Variants in IQCE observed in about 807,000 individuals in gnomAD.
IQCE encodes IQ motif containing E.
Under a neutral mutation model 96.0 loss-of-function variants are expected in IQCE, and 115 were observed. That is an observed-to-expected ratio of 1.20 (90% CI 1.03 to 1.40). The LOEUF (loss-of-function observed/expected upper bound fraction) is 1.40. Among genes scored for constraint, IQCE ranks in the 40% most tolerant of loss-of-function variants. The probability of loss-of-function intolerance (pLI) is 0.00; values close to 1 mark genes in which losing one functional copy is unlikely to be tolerated. For synonymous variants in IQCE, 412 were observed against 371.2 expected (o/e 1.11, Z -1.26); for missense variants, 1,041 against 909.1 (o/e 1.15, Z -1.87).
chr7:2,606,554 T>C (rs1429912010), intron 20 of IQCE, among the ~76,000 whole-genome samples: 1 of 152,102 alleles, frequency 6.6e-6, no homozygotes, highest in Non-Finnish European at 1.5e-5. Context: ...CCCCGTCTGC[T>C]TCACCCCGCA....
At chr7:2,560,900 C>T (rs1169136124) in intron 1 of IQCE, among the ~76,000 whole-genome samples, 19 of 138,916 alleles carry the variant, frequency 1.4e-4, no homozygotes, top group Admixed American at 1.3e-3. Context: ...GAGCTTGCAG[C>T]GAGCCAAGAT....
At chr7:2,589,679 C>T (rs1158976148) in intron 13 of IQCE, among the ~76,000 whole-genome samples, 2 of 152,076 alleles carry the variant, frequency 1.3e-5, no homozygotes, top group East Asian at 1.9e-4. Flanking sequence ...CCTGGCTTGG[C>T]GGGGGTCTGC....
chr7:2,602,783 C>T (rs980466397), intron 18 of IQCE, among the ~76,000 whole-genome samples: 1 of 152,264 alleles, frequency 6.6e-6, no homozygotes, highest in Non-Finnish European at 1.5e-5. Flanking sequence ...CCAAATTGCA[C>T]GGGGTTCATA....
chr7:2,566,317 C>T (rs796509990), intron 1 of IQCE, among the ~76,000 whole-genome samples: 13 of 147,420 alleles, frequency 8.8e-5, no homozygotes, highest in African/African-American at 3.3e-4. Flanking sequence ...TGGCCATCCT[C>T]GTGCTGAAAT....
At position 2,594,971 on chromosome 7, in the gene IQCE, C is replaced by T. The variant is rs1053904628; in HGVS notation, c.1435C>T (p.His479Tyr). ...EEKEDCPEVP[H>Y]KAQELPAPTP... ...GAAAGAGGATTGCCCGGAAGTTCCTCATAAGGTACAGTGACCATTCAGTTG... is the reference window on the plus strand; with the variant it reads ...GAAAGAGGATTGCCCGGAAGTTCCTTATAAGGTACAGTGACCATTCAGTTG... Residue 479 changes from histidine to tyrosine, a missense_variant, in exon 16 of 22, where the codon CAT becomes TAT. By Grantham distance (83) the His-to-Tyr change is moderately conservative (BLOSUM62 2). Coordinates refer to ENST00000402050, the MANE Select transcript of IQCE (RefSeq NM_152558.5). The T allele has an allele frequency of 4.4e-6, 7 of 1,607,820 alleles. No homozygotes were observed. Among genetic ancestry groups the T allele is most frequent in the South Asian group, 1.1e-5 (1 of 90,976 alleles).
Position 2,613,839 on chromosome 7 carries a change from G to GAAGACCACC in IQCE, c.*3687_*3695dup, listed in dbSNP as rs763794135. 6 of 152,268 alleles carry GAAGACCACC rather than the reference G, an allele frequency of 3.9e-5. No individual in the cohort carries two copies. Among genetic ancestry groups the GAAGACCACC allele is most frequent in the Non-Finnish European group, 7.3e-5 (5 of 68,086 alleles). 9.4% of individuals were successfully genotyped at this position (152,268 alleles called of 1,614,324 possible). On this transcript the variant is annotated 3_prime_UTR_variant, in exon 22 of 22. Transcript: ENST00000402050. The stretch of plus-strand genomic sequence containing the variant: ...AGGCAGAAGAGGTGGAAGGGCCAGA[G>GAAGACCACC]AAGACCACCAAGACCACCGTTCCCG...
In IQCE at chr7:2,611,962, C is replaced by G. The variant is rs1039918053; in HGVS notation, c.*1800C>G. The G allele has an allele frequency of 3.9e-5, 6 of 152,180 alleles. No individual in the cohort carries two copies. The highest frequency in any genetic ancestry group is 9.7e-5 in the African/African-American group (4 of 41,430). The allele number at this position is 152,180 out of a possible 1,614,324, so 9.4% of individuals were successfully genotyped here. A position where few individuals can be genotyped will look rare whatever the true frequency, so the allele number is the denominator to read the frequency against. ...TCCCTGGGGCGCTGTCCCAAGCCAT[C>G]CCTGCTTGCCAGCTCAAAGCTTCAG... On this transcript the variant is annotated 3_prime_UTR_variant, in exon 22 of 22. Transcript: ENST00000402050.
chr7:2,607,195 C>A lies in IQCE; in HGVS notation c.1937C>A (p.Ala646Asp). The change falls in exon 21 of 22, where the codon GCC becomes GAC. Residue 646 changes from alanine (A) to aspartate (D), a missense_variant. Coordinates refer to ENST00000402050, the MANE Select transcript of IQCE (RefSeq NM_152558.5). ...RRSASATHGD[A>D]SSPPFLAALP... ...TCGGCTTCAGCCACACACGGGGACGCCTCCTCCCCACCCTTCCTCGCAGCT... is the reference window on the plus strand; with the variant it reads ...TCGGCTTCAGCCACACACGGGGACGACTCCTCCCCACCCTTCCTCGCAGCT... 1 of 1,613,722 alleles carries A rather than the reference C, an allele frequency of 6.2e-7. No individual in the cohort carries two copies. Among genetic ancestry groups the A allele is most frequent in the Non-Finnish European group, 8.5e-7 (1 of 1,179,778 alleles).
At chr7:2,606,139 G>C (rs758531932) in intron 20 of IQCE, 142 bp downstream of exon 20, 1 of 1,082,672 alleles carries the variant, frequency 9.2e-7, no homozygotes, top group Non-Finnish European at 1.3e-6. Context: ...TCGGTTTGGA[G>C]CCAGAGTAAA....
chr7:2,606,938 C>T lies in IQCE; in HGVS notation c.1866-186C>T, dbSNP rs76325670. Among the ~76,000 whole-genome samples, 455 of 152,268 alleles carry T rather than the reference C, an allele frequency of 3.0e-3. 5 individuals are homozygous for T. The highest frequency in any genetic ancestry group is 0.01 in the African/African-American group (423 of 41,544). On this transcript the variant is annotated intron_variant, in intron 20 of 21. Transcript: ENST00000402050. ...CGGGGACGTGTCTGAGGCTCTTCACCGCCGGACGTTTCTGGACCCTGGGTG... is the reference window on the plus strand; with the variant it reads ...CGGGGACGTGTCTGAGGCTCTTCACTGCCGGACGTTTCTGGACCCTGGGTG...
intron 17 of IQCE, among the ~76,000 whole-genome samples, chr7:2,600,293 G>C (rs1399165090): frequency 6.6e-6 from 1 of 152,186 alleles, no homozygotes; most frequent in Non-Finnish European, 1.5e-5. Flanking sequence ...TCACGTCGAG[G>C]CTGTGTACCC....
chr7:2,597,018 A>G, intron 16 of IQCE: 1 of 471,356 alleles, frequency 2.1e-6, no homozygotes, highest in African/African-American at 2.0e-5. Flanking sequence ...CCAGGTCCCT[A>G]GAAACAGGAG....
At chr7:2,563,879 G>A (rs1392477148) in intron 1 of IQCE, among the ~76,000 whole-genome samples, 1 of 132,904 alleles carries the variant, frequency 7.5e-6, no homozygotes, top group Non-Finnish European at 1.5e-5. Flanking sequence ...GGGTGAGAGA[G>A]CGAGACTCCA....
chr7:2,598,334 C>G, intron 16 of IQCE, 131 bp from the exon 17 acceptor site: 1 of 871,034 alleles, frequency 1.1e-6, no homozygotes, highest in South Asian at 1.8e-5. Context: ...GAACAGCTCT[C>G]TCCTCCACAT....
intron 1 of IQCE, among the ~76,000 whole-genome samples, chr7:2,559,714 C>T (rs992094473): frequency 8.0e-5 from 10 of 124,916 alleles, no homozygotes; most frequent in Non-Finnish European, 1.4e-4. Context: ...GTTACTTTGC[C>T]CGGTAAATAT....
Position 2,559,065 on chromosome 7 carries a change from C to T in IQCE, c.-117C>T, listed in dbSNP as rs965558453. On this transcript the variant is annotated 5_prime_UTR_variant, in exon 1 of 22. Transcript: ENST00000402050. ...GGCCTGGTTGCCATGGCAGCGGGGT[C>T]GCGGGCCGGCGCCAGGGAAGGCCCC... 4 of 524,262 alleles carry T rather than the reference C, an allele frequency of 7.6e-6. No individual in the cohort carries two copies. Among genetic ancestry groups the T allele is most frequent in the African/African-American group, 4.2e-5 (2 of 47,396 alleles). 32.5% of individuals were successfully genotyped at this position (524,262 alleles called of 1,614,324 possible).
chr7:2,604,937 A>T lies in IQCE; in HGVS notation c.1689A>T (p.Leu563Phe), dbSNP rs769748348. The T allele has an allele frequency of 6.2e-7, 1 of 1,613,698 alleles. No individual in the cohort carries two copies. The highest frequency in any genetic ancestry group is 8.5e-7 in the Non-Finnish European group (1 of 1,179,982). Residue 563 changes from leucine (L) to phenylalanine (F), a missense_variant, in exon 19 of 22, where the codon TTA (leucine) becomes TTT (phenylalanine). Transcript: ENST00000402050. ...FRGHLTRTKL[L>F]ASKAHGSEPP... The stretch of plus-strand genomic sequence containing the variant: ...GACATCTCACGCGGACAAAGCTCTT[A>T]GCAAGCAAAGCACATGGCTCAGAGC...
intron 16 of IQCE, among the ~76,000 whole-genome samples, chr7:2,597,937 G>C (rs1784169835): frequency 6.6e-6 from 1 of 152,108 alleles, no homozygotes; most frequent in Admixed American, 6.6e-5. Flanking sequence ...CACATTGTTG[G>C]GATTACAAGC....
chr7:2,570,152 T>C (rs778683469), intron 3 of IQCE, among the ~76,000 whole-genome samples: 1 of 152,186 alleles, frequency 6.6e-6, no homozygotes, highest in Non-Finnish European at 1.5e-5. Flanking sequence ...CCGAGGCTTT[T>C]CATCGTCCTG....
Sources: gnomAD v4.1 joint callset for allele counts (sites outside exome capture counted in the v4.1 genomes callset) on GRCh38, gnomAD v4.1.1 for gene constraint, MANE v1.5 for transcripts, NCBI Gene and HGNC (gene_info 2026-07-23, HGNC 2026-07-21) for gene names.